The following GADL1 variants were observed in gnomAD, a reference collection of about 807,000 sequenced individuals.
GADL1 encodes the protein acidic amino acid decarboxylase GADL1.
Under a neutral mutation model 69.5 loss-of-function variants are expected in GADL1, and 71 were observed. The observed-to-expected ratio is 1.02, with a 90% CI of 0.84 to 1.25. The LOEUF (loss-of-function observed/expected upper bound fraction) is 1.25. GADL1 is among the 50% of genes most tolerant of loss of function. The pLI, the probability that GADL1 is intolerant of heterozygous loss-of-function variation, is 0.00. For missense variants in GADL1, 737 were observed against 631.8 expected (o/e 1.17, Z -1.79); for synonymous variants, 254 against 214.4 (o/e 1.18, Z -1.62).
chr3:30,742,115 C>T (rs772663267), intron 14 of GADL1, among the ~76,000 whole-genome samples: 2 of 152,140 alleles, frequency 1.3e-5, no homozygotes, highest in Admixed American at 6.6e-5. Flanking sequence ...CAGTAAATCA[C>T]CTTCAGCTAT....
chr3:30,824,495 CACAAAAATACTCATA>C, intron 11 of GADL1, among the ~76,000 whole-genome samples: 1 of 151,298 alleles, frequency 6.6e-6, no homozygotes, highest in East Asian at 2.0e-4. Flanking sequence ...AAGATATGTG[CACAAAAATACTCATA>C]GCAAATTTTT....
At chr3:30,891,893 G>T (rs935962077) in intron 1 of GADL1, among the ~76,000 whole-genome samples, 2 of 151,954 alleles carry the variant, frequency 1.3e-5, no homozygotes, top group African/African-American at 4.8e-5. Flanking sequence ...GGTCCCAAAT[G>T]TCATGATTTC....
intron 14 of GADL1, among the ~76,000 whole-genome samples, chr3:30,743,268 T>C (rs543239775): frequency 7.2e-5 from 11 of 152,318 alleles, no homozygotes; most frequent in Admixed American, 6.5e-4. Context: ...AGGGTTGGCT[T>C]TCTTTAAAAA....
chr3:30,805,732 G>A lies in GADL1; in HGVS notation c.1051-4644C>T, dbSNP rs188753387. Among the ~76,000 whole-genome samples the A allele has an allele frequency of 7.4e-4, 62 of 83,518 alleles. 1 individual carries two copies. In the Admixed American group the frequency reaches 7.6e-3, roughly 10 times the overall value. The allele number at this position is 83,518 out of a possible 152,430, so 54.8% of individuals were successfully genotyped here. On this transcript the variant is annotated intron_variant, in intron 11 of 14. Coordinates refer to ENST00000282538, the MANE Select transcript of GADL1 (RefSeq NM_207359.3). ...GGATTCTGTGCACCAGCAGTCCCCA[G>A]CCTTTTTTTTTTTTTTTTTTTTTTT...
chr3:30,769,013 G>C (rs1382999155), intron 14 of GADL1, among the ~76,000 whole-genome samples: 1 of 152,140 alleles, frequency 6.6e-6, no homozygotes, highest in Non-Finnish European at 1.5e-5. Flanking sequence ...ACAACAAACT[G>C]CATCAAGTCC....
intron 14 of GADL1, among the ~76,000 whole-genome samples, chr3:30,734,673 T>C (rs1201707900): frequency 6.6e-6 from 1 of 152,138 alleles, no homozygotes; most frequent in Non-Finnish European, 1.5e-5. Flanking sequence ...AAACGGATAG[T>C]TTCACCAAAT....
chr3:30,838,119 C>T (rs1697903044), intron 9 of GADL1, among the ~76,000 whole-genome samples: 1 of 151,992 alleles, frequency 6.6e-6, no homozygotes, highest in Non-Finnish European at 1.5e-5. Flanking sequence ...TTCAGCAAGT[C>T]AAAAAATATT....
chr3:30,840,750 C>G (rs1382238062), intron 8 of GADL1, among the ~76,000 whole-genome samples: 1 of 152,128 alleles, frequency 6.6e-6, no homozygotes, highest in African/African-American at 2.4e-5. Context: ...AAATACAGGA[C>G]CAGAAATTAA....
chr3:30,826,892 A>AATG (rs1697690399), intron 11 of GADL1, among the ~76,000 whole-genome samples: 1 of 151,926 alleles, frequency 6.6e-6, no homozygotes, highest in Non-Finnish European at 1.5e-5. Flanking sequence ...TAAAAGGCCA[A>AATG]ATGCTGGCAC....
At position 30,726,720 on chromosome 3, in the gene GADL1, C is replaced by A. The variant is rs759333800; in HGVS notation, c.*1522G>T. On this transcript the variant is annotated 3_prime_UTR_variant, in exon 15 of 15. Coordinates refer to ENST00000282538, the MANE Select transcript of GADL1 (RefSeq NM_207359.3). ...TGCTTTAACACTCTTCAATCATTCA[C>A]CTTTTAATGCAGACCTTTAATTATA... is the stretch of plus-strand genomic sequence containing the variant. The A allele has an allele frequency of 2.6e-5, 4 of 152,126 alleles. No homozygotes were observed. The highest frequency in any genetic ancestry group is 5.9e-5 in the Non-Finnish European group (4 of 68,016). The allele number at this position is 152,126 out of a possible 1,614,324, so 9.4% of individuals were successfully genotyped here.
intron 14 of GADL1, among the ~76,000 whole-genome samples, chr3:30,750,493 C>A (rs528116832): frequency 1.7e-4 from 26 of 152,272 alleles, no homozygotes; most frequent in Non-Finnish European, 2.1e-4. Flanking sequence ...CCAGGTCTAC[C>A]GAGATGCCCA....
chr3:30,801,427 C>T (rs552145286), intron 11 of GADL1, among the ~76,000 whole-genome samples: 1 of 152,136 alleles, frequency 6.6e-6, no homozygotes, highest in Admixed American at 6.5e-5. Context: ...AAAGTGCTCT[C>T]CATTGGCCAG....
chr3:30,838,970 C>T lies in GADL1; in HGVS notation c.903+27G>A, dbSNP rs376298478. ...GGCTACAAAAAGACCAAAGGTTAAA[C>T]AGGTATGTACACATAAATGAACTTA... On this transcript the variant is annotated intron_variant, in intron 9 of 14. Transcript: ENST00000282538. 6.7e-6 allele frequency: 9 copies of T among 1,334,268 alleles called. No individual in the cohort carries two copies. The African/African-American group carries it at 1.1e-4, about 16-fold the overall frequency. The allele number at this position is 1,334,268 out of a possible 1,614,324, so 82.7% of individuals were successfully genotyped here.
At chr3:30,848,451 G>T (rs1698091384) in intron 6 of GADL1, among the ~76,000 whole-genome samples, 1 of 152,124 alleles carries the variant, frequency 6.6e-6, no homozygotes, top group South Asian at 2.1e-4. Flanking sequence ...ACTAACTTTT[G>T]TATTTAGAAG....
chr3:30,869,037 A>C (rs76380107), intron 1 of GADL1, among the ~76,000 whole-genome samples: 7 of 151,300 alleles, frequency 4.6e-5, no homozygotes, highest in African/African-American at 1.5e-4. Flanking sequence ...TAATAAATTA[A>C]TAAGAGCCTC....
Position 30,757,204 on chromosome 3 carries a change from T to C in GADL1, c.1392+20975A>G, listed in dbSNP as rs574058282. 3.9e-5 allele frequency among the ~76,000 whole-genome samples: 6 copies of C among 152,284 alleles called. 1 individual carries two copies. The South Asian group carries it at 1.2e-3, about 32-fold the overall frequency. On this transcript the variant is annotated intron_variant, in intron 14 of 14. Coordinates refer to ENST00000282538, the MANE Select transcript of GADL1 (RefSeq NM_207359.3). The stretch of plus-strand genomic sequence containing the variant: ...ATTGAAAAAATAAGAAATGGCCTCC[T>C]GGACCTTCATCAAATATCTAAGTAT...
At chr3:30,809,689 T>C (rs1454335814) in intron 11 of GADL1, among the ~76,000 whole-genome samples, 1 of 152,318 alleles carries the variant, frequency 6.6e-6, no homozygotes, top group Middle Eastern at 3.4e-3. Context: ...TACAGAAGTT[T>C]GCTGATACTT....
chr3:30,889,771 C>T (rs1053340899), intron 1 of GADL1, among the ~76,000 whole-genome samples: 1 of 152,124 alleles, frequency 6.6e-6, no homozygotes. Flanking sequence ...GCTGAGAAGA[C>T]AACCTTAAGT....
rs779880727 is a variant in GADL1 at position 30,728,191 on chromosome 3, T to C, written c.*51A>G. On this transcript the variant is annotated 3_prime_UTR_variant, in exon 15 of 15. Transcript: ENST00000282538. ...CTGTGTATCTCCAAGATGTTCTGGA[T>C]CTAAACTCTCCCAGGATAGGATCTA... 6.7e-7 allele frequency: 1 copy of C among 1,500,912 alleles called. No homozygotes were observed. The highest frequency in any genetic ancestry group is 1.1e-5 in the South Asian group (1 of 88,044). The allele number at this position is 1,500,912 out of a possible 1,614,324, so 93.0% of individuals were successfully genotyped here. A position where few individuals can be genotyped will look rare whatever the true frequency, so the allele number is the denominator to read the frequency against.
Sources: gnomAD v4.1 joint callset for allele counts (sites outside exome capture counted in the v4.1 genomes callset) on GRCh38, gnomAD v4.1.1 for gene constraint, MANE v1.5 for transcripts, NCBI Gene and HGNC (gene_info 2026-07-23, HGNC 2026-07-21) for gene names.